The following SLC30A8 variants were observed in gnomAD, a reference collection of about 807,000 sequenced individuals.
SLC30A8 encodes the protein proton-coupled zinc antiporter SLC30A8.
Under a neutral mutation model 36.9 loss-of-function variants are expected in SLC30A8, and 27 were observed. The observed-to-expected ratio is 0.73, with a 90% CI of 0.54 to 1.01. The LOEUF (loss-of-function observed/expected upper bound fraction) is 1.01, where lower values mean the gene tolerates loss of function less well. Ranked by LOEUF, SLC30A8 falls within the 50% of genes least tolerant of loss-of-function variation. The pLI is 0.00. For synonymous variants in SLC30A8, 164 were observed against 172.4 expected (o/e 0.95, Z 0.38); for missense variants, 439 against 452.0 (o/e 0.97, Z 0.26).
At chr8:116,967,066 T>C (rs2130607223) in intron 1 of SLC30A8, among the ~76,000 whole-genome samples, 1 of 152,330 alleles carries the variant, frequency 6.6e-6, no homozygotes, top group South Asian at 2.1e-4. Flanking sequence ...AGCTTGTCAT[T>C]GTCAAAAGTG....
rs564350897 is a variant in SLC30A8, at chr8:116,997,718, G to A, written c.-265-41501G>A. ...ATTAGAGGAATTTCTTTGGAATGAG[G>A]AACAGGTAGAAATATGAGTAAATGA... On this transcript the variant is annotated intron_variant, in intron 1 of 10. Transcript: ENST00000427715. Among the ~76,000 whole-genome samples, 249 of 152,250 alleles carry A rather than the reference G, an allele frequency of 1.6e-3. 1 individual carries two copies. Among genetic ancestry groups the A allele is most frequent in the Non-Finnish European group, 3.0e-3 (204 of 68,010 alleles).
chr8:117,154,130 T>G (rs1822347429), intron 3 of SLC30A8, among the ~76,000 whole-genome samples: 1 of 152,180 alleles, frequency 6.6e-6, no homozygotes, highest in African/African-American at 2.4e-5. Context: ...GTGCAGGATG[T>G]GTAGGTTTGT....
rs1823678464 is a variant in SLC30A8 at position 117,176,239 on chromosome 8, G to A, written c.*3558G>A. 1 of 152,392 alleles carries A rather than the reference G, an allele frequency of 6.6e-6. No individual in the cohort carries two copies. The highest frequency in any genetic ancestry group is 2.4e-5 in the African/African-American group (1 of 41,402). 9.4% of individuals were successfully genotyped at this position (152,392 alleles called of 1,614,324 possible). A position where few individuals can be genotyped will look rare whatever the true frequency, so the allele number is the denominator to read the frequency against. ...GTGTCAAAAAGAAAAACACCTCCCA[G>A]GCATATACATTTTATAGATTCCTGG... On this transcript the variant is annotated 3_prime_UTR_variant, in exon 8 of 8. Transcript: ENST00000456015.
chr8:117,025,268 A>T (rs1285904376), intron 1 of SLC30A8, among the ~76,000 whole-genome samples: 1 of 152,158 alleles, frequency 6.6e-6, no homozygotes, highest in East Asian at 1.9e-4. Flanking sequence ...GGGTCTTAAG[A>T]CTAGAAATTT....
chr8:117,155,504 CTATA>C (rs1392207113), intron 3 of SLC30A8, among the ~76,000 whole-genome samples: 1 of 152,058 alleles, frequency 6.6e-6, no homozygotes, highest in Non-Finnish European at 1.5e-5. Flanking sequence ...TGAGTGTTTG[CTATA>C]TGTTATATTA....
At chr8:117,128,480 C>T (rs1474755982) in intron 2 of SLC30A8, 1 of 151,856 alleles carries the variant, frequency 6.6e-6, no homozygotes, top group Non-Finnish European at 1.5e-5. Context: ...TGTGTGTGCT[C>T]ATAAACACAC....
At chr8:117,095,505 TAAA>T (rs1819322297) in intron 2 of SLC30A8, among the ~76,000 whole-genome samples, 1 of 152,182 alleles carries the variant, frequency 6.6e-6, no homozygotes, top group African/African-American at 2.4e-5. Flanking sequence ...CTTTTTTTCT[TAAA>T]ATGGGACTTT....
At chr8:117,087,238 G>GT (rs1373693055) in intron 2 of SLC30A8, among the ~76,000 whole-genome samples, 1 of 152,202 alleles carries the variant, frequency 6.6e-6, no homozygotes, top group Non-Finnish European at 1.5e-5. Context: ...ATTTACATTA[G>GT]TAGGAAAAGA....
At chr8:117,166,766 A>ATTTTTTTTTTTTTTTTTTTTTT (rs71305462) in intron 6 of SLC30A8, among the ~76,000 whole-genome samples, 1 of 128,676 alleles carries the variant, frequency 7.8e-6, no homozygotes, top group African/African-American at 3.0e-5. Context: ...ACATTAGCTG[A>ATTTTTTTTTTTTTTTTTTTTTT]TTTTTTTTTT....
chr8:117,142,390 G>T (rs1316951266), intron 1 of SLC30A8, among the ~76,000 whole-genome samples: 4 of 152,090 alleles, frequency 2.6e-5, no homozygotes, highest in African/African-American at 9.7e-5. Flanking sequence ...GATCATTTTA[G>T]AAATGTGAAC....
At chr8:117,081,438 C>T (rs1217742238) in intron 2 of SLC30A8, among the ~76,000 whole-genome samples, 1 of 152,226 alleles carries the variant, frequency 6.6e-6, no homozygotes, top group East Asian at 1.9e-4. Context: ...ATCTCTTCCT[C>T]TTTTTGTGAG....
At chr8:117,136,478 T>C (rs1187533959) in intron 1 of SLC30A8, among the ~76,000 whole-genome samples, 2 of 152,002 alleles carry the variant, frequency 1.3e-5, no homozygotes, top group Admixed American at 1.3e-4. Context: ...AAAGCCAAAC[T>C]AATATTCTAA....
chr8:117,154,900 A>G (rs1351723725), intron 3 of SLC30A8, among the ~76,000 whole-genome samples: 28 of 152,186 alleles, frequency 1.8e-4, no homozygotes. Context: ...CGAGGGCAAT[A>G]TTCTGTAATA....
chr8:117,005,664 C>G (rs1038653293), intron 1 of SLC30A8, among the ~76,000 whole-genome samples: 1 of 152,232 alleles, frequency 6.6e-6, no homozygotes. Context: ...TTTTCCAAAG[C>G]AGCTATCCCA....
chr8:117,010,334 A>G (rs1213080977), intron 1 of SLC30A8, among the ~76,000 whole-genome samples: 1 of 152,150 alleles, frequency 6.6e-6, no homozygotes, highest in Non-Finnish European at 1.5e-5. Context: ...ACAAAGCTTC[A>G]GCCAGCTCCC....
At chr8:117,031,855 G>A (rs11990337) in intron 1 of SLC30A8, among the ~76,000 whole-genome samples, 1 of 151,972 alleles carries the variant, frequency 6.6e-6, no homozygotes, top group African/African-American at 2.4e-5. Context: ...GCTGATACCC[G>A]AAGGACTCTC....
At position 116,974,442 on chromosome 8, in the gene SLC30A8, G is replaced by A. The variant is rs1252949482; in HGVS notation, c.-266+23323G>A. ...CCAACAGACACATGAAAAAATGCTC[G>A]TCATCACTGGCCATCAGAGAAATGC... On this transcript the variant is annotated intron_variant, in intron 1 of 10. Transcript: ENST00000427715. Among the ~76,000 whole-genome samples the A allele has an allele frequency of 1.3e-4, 20 of 152,174 alleles. No homozygotes were observed. The East Asian group carries it at 1.9e-3, about 15-fold the overall frequency.
chr8:117,014,872 G>C (rs1321164349), intron 1 of SLC30A8, among the ~76,000 whole-genome samples: 1 of 152,032 alleles, frequency 6.6e-6, no homozygotes, highest in African/African-American at 2.4e-5. Flanking sequence ...CTGTCTCTCT[G>C]GCTGATGTCA....
intron 2 of SLC30A8, among the ~76,000 whole-genome samples, chr8:117,102,828 A>G (rs1237740259): frequency 3.3e-5 from 5 of 152,252 alleles, no homozygotes; most frequent in African/African-American, 1.2e-4. Context: ...GATGCATCTC[A>G]ACTTGATTAC....
Sources: gnomAD v4.1 joint callset for allele counts (sites outside exome capture counted in the v4.1 genomes callset) on GRCh38, gnomAD v4.1.1 for gene constraint, MANE v1.5 for transcripts, NCBI Gene and HGNC (gene_info 2026-07-23, HGNC 2026-07-21) for gene names.